LEMD3: variants seen among roughly 807,000 people sequenced by gnomAD.
LEMD3 encodes inner nuclear membrane protein Man1.
In LEMD3, 33 loss-of-function variants were observed where a neutral mutation model predicts 95.2. The ratio of observed to expected loss-of-function variants is 0.35; its 90% CI spans 0.26 to 0.46. The LOEUF is 0.46. LEMD3 is among the 20% of genes least tolerant of loss of function. The probability of loss-of-function intolerance (pLI) is 1.00; values close to 1 mark genes in which losing one functional copy is unlikely to be tolerated. For synonymous variants in LEMD3, 525 were observed against 474.6 expected (o/e 1.11, Z -1.38); for missense variants, 1,210 against 1,192.8 (o/e 1.01, Z -0.21).
chr12:65,197,837 T>G (rs1267290833), intron 1 of LEMD3, among the ~76,000 whole-genome samples: 1 of 152,152 alleles, frequency 6.6e-6, no homozygotes, highest in Non-Finnish European at 1.5e-5. Flanking sequence ...GAGGGGAAAC[T>G]ACTACTATTT....
At chr12:65,191,017 A>G (rs1869223434) in intron 1 of LEMD3, among the ~76,000 whole-genome samples, 1 of 152,112 alleles carries the variant, frequency 6.6e-6, no homozygotes, top group Admixed American at 6.6e-5. Flanking sequence ...GGCCATAAAA[A>G]TAACCTATAA....
Position 65,183,685 on chromosome 12 carries a change from G to A in LEMD3, c.1522+12567G>A, listed in dbSNP as rs140175947. On this transcript the variant is annotated intron_variant, in intron 1 of 12. Transcript: ENST00000308330. ...TCCTGTTTTTTGTTTCTGTTGCACTGTTTTAAAGCACTGCCACTAGCGTTT... is the reference window on the plus strand; with the variant it reads ...TCCTGTTTTTTGTTTCTGTTGCACTATTTTAAAGCACTGCCACTAGCGTTT... 6.6e-5 allele frequency among the ~76,000 whole-genome samples: 10 copies of A among 152,298 alleles called. No individual in the cohort carries two copies. The East Asian group carries it at 1.9e-3, about 29-fold the overall frequency.
At chr12:65,193,481 T>C (rs1209402069) in intron 1 of LEMD3, among the ~76,000 whole-genome samples, 1 of 151,996 alleles carries the variant, frequency 6.6e-6, no homozygotes, top group Non-Finnish European at 1.5e-5. Flanking sequence ...TTTTGAGGTG[T>C]TTTTCCCTTA....
chr12:65,215,412 C>G lies in LEMD3; in HGVS notation c.1561-565C>G, dbSNP rs1204617308. On this transcript the variant is annotated intron_variant, in intron 2 of 12. Transcript: ENST00000308330. ...TTGAGTACAGGAACCATCTTGTTCA[C>G]TGGGTCTCTCGCTTTGCTGAGAGAA... Among the ~76,000 whole-genome samples the G allele has an allele frequency of 2.6e-5, 4 of 152,150 alleles. No individual in the cohort carries two copies. The East Asian group carries it at 7.7e-4, about 29-fold the overall frequency.
At chr12:65,184,688 T>C (rs959777307) in intron 1 of LEMD3, among the ~76,000 whole-genome samples, 1 of 152,176 alleles carries the variant, frequency 6.6e-6, no homozygotes, top group Admixed American at 6.6e-5. Flanking sequence ...GCTTGGCAAA[T>C]AAACGTTTTA....
intron 1 of LEMD3, among the ~76,000 whole-genome samples, chr12:65,186,268 T>TCACA (rs1565781587): frequency 6.6e-6 from 1 of 152,088 alleles, no homozygotes; most frequent in Non-Finnish European, 1.5e-5. Context: ...AAGAGATACT[T>TCACA]ATTCATCTAA....
chr12:65,179,092 C>A (rs922244924), intron 1 of LEMD3, among the ~76,000 whole-genome samples: 2 of 152,058 alleles, frequency 1.3e-5, no homozygotes, highest in African/African-American at 4.8e-5. Flanking sequence ...AAAACTATTT[C>A]TAATTTTTAA....
At chr12:65,230,902 C>T (rs1361072714) in intron 4 of LEMD3, among the ~76,000 whole-genome samples, 1 of 152,074 alleles carries the variant, frequency 6.6e-6, no homozygotes, top group Non-Finnish European at 1.5e-5. Context: ...CCATATATGG[C>T]CTTTATTGTG....
intron 3 of LEMD3, 93 bp downstream of exon 3, chr12:65,216,136 A>C (rs1475311614): frequency 2.4e-6 from 2 of 820,726 alleles, no homozygotes; most frequent in African/African-American, 3.4e-5. Flanking sequence ...GTCCAGTGTT[A>C]TATTTGTGAA....
intron 1 of LEMD3, among the ~76,000 whole-genome samples, chr12:65,181,724 A>G (rs1425400905): frequency 6.6e-6 from 1 of 152,052 alleles, no homozygotes; most frequent in Admixed American, 6.6e-5. Context: ...AAAACCACAC[A>G]ATTTTAATAA....
rs1868463368 is a variant in LEMD3 at position 65,169,946 on chromosome 12, G to A, written c.350G>A (p.Ser117Asn). Residue 117 changes from serine (S) to asparagine (N), a missense_variant, in exon 1 of 13, where the codon AGC becomes AAC. Coordinates refer to ENST00000308330, the MANE Select transcript of LEMD3 (RefSeq NM_014319.5). ...CGAATCTCGGCCTCTGGCCCAGAGA[G>A]CCTCCTGGGAGGGCCCGGGGGCGCC... is the stretch of plus-strand genomic sequence containing the variant. ...LCRISASGPESLLGGPGGASA... is the reference protein window; with the variant it reads ...LCRISASGPENLLGGPGGASA... 5 of 1,453,856 alleles carry A rather than the reference G, an allele frequency of 3.4e-6. No homozygotes were observed. The highest frequency in any genetic ancestry group is 2.1e-4 in the Middle Eastern group (1 of 4,794). 90.1% of individuals were successfully genotyped at this position (1,453,856 alleles called of 1,614,324 possible).
rs561008904 is a variant in LEMD3 at position 65,170,417 on chromosome 12, A to G, written c.821A>G (p.Gln274Arg). ...EDDDDVASSR[Q>R]VLKDDSLSRH... ...GACGACGACGTGGCCTCCAGCAGACAGGTATTAAAGGACGACTCCCTTTCC... is the reference window on the plus strand; with the variant it reads ...GACGACGACGTGGCCTCCAGCAGACGGGTATTAAAGGACGACTCCCTTTCC... Residue 274 changes from glutamine (Q) to arginine (R), a missense_variant, in exon 1 of 13, where the codon CAG becomes CGG. Around this residue, in one of 2 missense-constraint regions of LEMD3, gnomAD observed 749 missense variants for 622.9 expected, o/e 1.20. Coordinates refer to ENST00000308330, the MANE Select transcript of LEMD3 (RefSeq NM_014319.5). 14 of 1,614,002 alleles carry G rather than the reference A, an allele frequency of 8.7e-6. 2 individuals are homozygous for G. In the South Asian group the frequency reaches 1.3e-4, roughly 15 times the overall value.
At position 65,170,312 on chromosome 12, in the gene LEMD3, G is replaced by T; in HGVS notation, c.716G>T (p.Trp239Leu). 1.3e-6 allele frequency: 2 copies of T among 1,592,520 alleles called. No individual in the cohort carries two copies. The highest frequency in any genetic ancestry group is 1.7e-6 in the Non-Finnish European group (2 of 1,169,404). ...GACCCGGAGACCGAGGAGCCGCTCT[G>T]GGCGAGCCGGACCGTGAATGGCAGC... ...ERDPETEEPL[W>L]ASRTVNGSRL... is the part of the protein sequence containing the mutation. Residue 239 changes from tryptophan (W) to leucine (L), a missense_variant, in exon 1 of 13, where the codon TGG (tryptophan) becomes TTG (leucine). Coordinates refer to ENST00000308330, the MANE Select transcript of LEMD3 (RefSeq NM_014319.5).
chr12:65,212,398 G>A (rs13377714), intron 2 of LEMD3, among the ~76,000 whole-genome samples: 13,953 of 152,016 alleles, frequency 0.092, 711 homozygotes, highest in East Asian at 0.15. Flanking sequence ...GAGTCCGGGC[G>A]TGGTGGCAGG....
intron 1 of LEMD3, among the ~76,000 whole-genome samples, chr12:65,177,418 G>C (rs185052618): frequency 6.6e-6 from 1 of 152,190 alleles, no homozygotes; most frequent in East Asian, 1.9e-4. Flanking sequence ...CCATGAGCCT[G>C]GATGACTGAG....
chr12:65,221,736 C>CTT (rs57423350), intron 4 of LEMD3, among the ~76,000 whole-genome samples: 11,096 of 127,122 alleles, frequency 0.087, 602 homozygotes, highest in East Asian at 0.15. Context: ...GAAAATCTCT[C>CTT]TTTTTTTTTT....
At chr12:65,209,577 A>C (rs1869870979) in intron 1 of LEMD3, among the ~76,000 whole-genome samples, 1 of 152,046 alleles carries the variant, frequency 6.6e-6, no homozygotes, top group African/African-American at 2.4e-5. Flanking sequence ...TTAACATTTT[A>C]TTTAATCTTG....
At position 65,214,802 on chromosome 12, in the gene LEMD3, C is replaced by T. The variant is rs192686822; in HGVS notation, c.1561-1175C>T. On this transcript the variant is annotated intron_variant, in intron 2 of 12. Coordinates refer to ENST00000308330, the MANE Select transcript of LEMD3 (RefSeq NM_014319.5). ...AATCATGGACTTATTTTAGGTAGTGCAATAAGCTATTACCCCCTCCCCACC... is the reference window on the plus strand; with the variant it reads ...AATCATGGACTTATTTTAGGTAGTGTAATAAGCTATTACCCCCTCCCCACC... Among the ~76,000 whole-genome samples, 246 of 152,236 alleles carry T rather than the reference C, an allele frequency of 1.6e-3. 3 individuals carry two copies. The Middle Eastern group carries it at 0.027, about 17-fold the overall frequency.
At chr12:65,196,315 GCTT>G (rs1363032212) in intron 1 of LEMD3, among the ~76,000 whole-genome samples, 4 of 151,890 alleles carry the variant, frequency 2.6e-5, no homozygotes, top group Non-Finnish European at 5.9e-5. Flanking sequence ...TCTTTTAGGA[GCTT>G]CTTCTGCACA....
Sources: allele counts gnomAD v4.1 joint callset (sites outside exome capture counted in the v4.1 genomes callset), GRCh38; gene constraint gnomAD v4.1.1; regional missense constraint gnomAD v4.1.1; transcripts MANE v1.5; gene names NCBI Gene and HGNC (gene_info 2026-07-23, HGNC 2026-07-21).